LOC128706665: variants seen among roughly 807,000 people sequenced by gnomAD.
the LOC128706665 span, among the ~76,000 whole-genome samples, chr20:10,414,510 C>T: frequency 1.3e-5 from 2 of 152,088 alleles, no homozygotes; most frequent in Non-Finnish European, 2.9e-5. Flanking sequence ...GGTGATCTGC[C>T]CATCTCTGCC....
chr20:10,426,252 T>C, the LOC128706665 span, among the ~76,000 whole-genome samples: 2 of 152,222 alleles, frequency 1.3e-5, no homozygotes, highest in Non-Finnish European at 2.9e-5. Context: ...TACTAAGCAA[T>C]TCTTCAAGTC....
chr20:10,415,853 G>C, the LOC128706665 span, among the ~76,000 whole-genome samples: 2 of 152,116 alleles, frequency 1.3e-5, no homozygotes, highest in Admixed American at 1.3e-4. Flanking sequence ...CTTTTGGCTA[G>C]TATTTCATTA....
the LOC128706665 span, among the ~76,000 whole-genome samples, chr20:10,433,140 A>G: frequency 6.6e-6 from 1 of 152,234 alleles, no homozygotes; most frequent in Admixed American, 6.5e-5. Flanking sequence ...AGTAGCTGGG[A>G]TTACAGGCGT....
At chr20:10,416,949 C>A in the LOC128706665 span, among the ~76,000 whole-genome samples, 1 of 152,006 alleles carries the variant, frequency 6.6e-6, no homozygotes, top group East Asian at 1.9e-4. Flanking sequence ...ATCTGCAAAG[C>A]CTAAAATATT....
the LOC128706665 span, among the ~76,000 whole-genome samples, chr20:10,424,747 GT>G: frequency 1.3e-5 from 2 of 152,048 alleles, no homozygotes; most frequent in African/African-American, 2.4e-5. Context: ...TTCCTCTGTG[GT>G]TTTTTACAAA....
At chr20:10,427,518 G>C in the LOC128706665 span, among the ~76,000 whole-genome samples, 1 of 152,058 alleles carries the variant, frequency 6.6e-6, no homozygotes, top group Non-Finnish European at 1.5e-5. Flanking sequence ...TGACAATGTT[G>C]GCTTTAGGTA....
chr20:10,415,136 C>A, the LOC128706665 span, among the ~76,000 whole-genome samples: 1 of 152,178 alleles, frequency 6.6e-6, no homozygotes. Flanking sequence ...ATTCCTGACA[C>A]ATTAATAATA....
the LOC128706665 span, among the ~76,000 whole-genome samples, chr20:10,432,453 C>T: frequency 1.3e-5 from 2 of 152,110 alleles, no homozygotes; most frequent in Admixed American, 6.5e-5. Context: ...GCATCCAGGA[C>T]CCATGATGGA....
chr20:10,425,296 T>C, the LOC128706665 span, among the ~76,000 whole-genome samples: 1 of 152,210 alleles, frequency 6.6e-6, no homozygotes, highest in Non-Finnish European at 1.5e-5. Flanking sequence ...AATGGCGATA[T>C]CCTAATTTGA....
At chr20:10,428,142 G>C in the LOC128706665 span, among the ~76,000 whole-genome samples, 1 of 152,214 alleles carries the variant, frequency 6.6e-6, no homozygotes, top group Non-Finnish European at 1.5e-5. Context: ...CTAATGAGAA[G>C]TGAAAACTAG....
At chr20:10,432,392 A>C in the LOC128706665 span, among the ~76,000 whole-genome samples, 1 of 152,342 alleles carries the variant, frequency 6.6e-6, no homozygotes, top group South Asian at 2.1e-4. Flanking sequence ...ACAATCTAGA[A>C]ACATCTTGCT....
chr20:10,427,076 AC>A, the LOC128706665 span, among the ~76,000 whole-genome samples: 1 of 143,586 alleles, frequency 7.0e-6, no homozygotes, highest in African/African-American at 2.5e-5. Context: ...ACACACACAC[AC>A]ACAAAGTAAG....
chr20:10,419,775 G>A, the LOC128706665 span, among the ~76,000 whole-genome samples: 9 of 152,264 alleles, frequency 5.9e-5, no homozygotes, highest in South Asian at 1.9e-3. Context: ...CATCCTGCGT[G>A]GATGAAGTAG....
At chr20:10,420,398 C>T in the LOC128706665 span, 1 of 152,120 alleles carries the variant, frequency 6.6e-6, no homozygotes, top group African/African-American at 2.4e-5. Context: ...AGTATTTTGC[C>T]AGTGGGTCAC....
At chr20:10,420,390 T>C in the LOC128706665 span, 1 of 152,190 alleles carries the variant, frequency 6.6e-6, no homozygotes, top group South Asian at 2.1e-4. Flanking sequence ...TGCAGAATAG[T>C]ATTTTGCCAG....
the LOC128706665 span, among the ~76,000 whole-genome samples, chr20:10,426,859 A>C: frequency 6.6e-6 from 1 of 152,218 alleles, no homozygotes; most frequent in South Asian, 2.1e-4. Flanking sequence ...TCCGTGACCT[A>C]CTAATGGTTG....
the LOC128706665 span, chr20:10,431,966 C>T: frequency 6.6e-6 from 1 of 152,274 alleles, no homozygotes. Context: ...CTTCAAAGCC[C>T]TACCTTTGTG....
At chr20:10,420,727 C>T in the LOC128706665 span, 3 of 152,114 alleles carry the variant, frequency 2.0e-5, no homozygotes, top group African/African-American at 2.4e-5. Flanking sequence ...CCACAAGTTC[C>T]GAAGGCTCAT....
At chr20:10,421,708 C>T in the LOC128706665 span, among the ~76,000 whole-genome samples, 2 of 151,898 alleles carry the variant, frequency 1.3e-5, no homozygotes, top group African/African-American at 2.4e-5. Context: ...ACAGGGTTAT[C>T]GACCTAGTTT....
Sources: allele counts gnomAD v4.1 joint callset (sites outside exome capture counted in the v4.1 genomes callset), GRCh38; gene constraint gnomAD v4.1.1; transcripts MANE v1.5.